Variants in SLC29A3 observed in about 807,000 individuals in gnomAD.
The protein encoded by SLC29A3 is solute carrier family 29 member 3, also known as equilibrative nucleoside transporter 3.
A neutral mutation model predicts 25.4 loss-of-function variants in SLC29A3; 18 were observed. The observed-to-expected ratio is 0.71, with a 90% CI of 0.49 to 1.05. The LOEUF is 1.05. SLC29A3 is among the 50% of genes least tolerant of loss of function. The probability of loss-of-function intolerance (pLI) is 0.00; values close to 1 mark genes in which losing one functional copy is unlikely to be tolerated. For synonymous variants in SLC29A3, 258 were observed against 267.1 expected (o/e 0.97, Z 0.33); for missense variants, 586 against 609.0 (o/e 0.96, Z 0.40).
At chr10:71,328,179 C>T (rs576880234) in intron 2 of SLC29A3, among the ~76,000 whole-genome samples, 2 of 152,158 alleles carry the variant, frequency 1.3e-5, no homozygotes, top group Non-Finnish European at 2.9e-5. Context: ...ACCTACAGCC[C>T]GACTTAGTGT....
At chr10:71,360,774 C>T (rs1378267447) in intron 5 of SLC29A3, among the ~76,000 whole-genome samples, 2 of 152,276 alleles carry the variant, frequency 1.3e-5, no homozygotes, top group African/African-American at 4.8e-5. Context: ...AATGAAAAGT[C>T]GAGGCAACCT....
intron 3 of SLC29A3, among the ~76,000 whole-genome samples, chr10:71,371,354 C>T (rs1469513409): frequency 6.6e-6 from 1 of 152,186 alleles, no homozygotes; most frequent in Non-Finnish European, 1.5e-5. Context: ...TGGCTCTAGA[C>T]TTCTGATGTC....
At chr10:71,328,330 C>A (rs4600131) in intron 2 of SLC29A3, among the ~76,000 whole-genome samples, 1 of 152,018 alleles carries the variant, frequency 6.6e-6, no homozygotes, top group African/African-American at 2.4e-5. Flanking sequence ...TCCCCTGAAG[C>A]CACCTCTCTG....
downstream of SLC29A3, among the ~76,000 whole-genome samples, chr10:71,368,024 A>C (rs1392112277): frequency 2.6e-5 from 4 of 152,130 alleles, no homozygotes; most frequent in Non-Finnish European, 5.9e-5. Flanking sequence ...GGAGTTCAAG[A>C]CCAGCCTGGA....
intron 5 of SLC29A3, among the ~76,000 whole-genome samples, chr10:71,356,848 G>A (rs10999781): frequency 0.87 from 133,140 of 152,196 alleles, 58,695 homozygotes; most frequent in African/African-American, 0.92. Flanking sequence ...ACAAACAAAA[G>A]ACAAACTCAC....
At position 71,363,022 on chromosome 10, in the gene SLC29A3, C is replaced by G. The variant is rs1212340985; in HGVS notation, c.*414C>G. 2 of 460,578 alleles carry G rather than the reference C, an allele frequency of 4.3e-6. No individual in the cohort carries two copies. Among genetic ancestry groups the G allele is most frequent in the Admixed American group, 2.3e-5 (1 of 42,702 alleles). The allele number at this position is 460,578 out of a possible 1,614,324, so 28.5% of individuals were successfully genotyped here. On this transcript the variant is annotated 3_prime_UTR_variant, in exon 6 of 6. Coordinates refer to ENST00000373189, the MANE Select transcript of SLC29A3 (RefSeq NM_018344.6). ...ATTCCAGCTGACAGCGAGATGCAAG[C>G]AAATGCTCAGCTCTCCTTACCCTGA...
chr10:71,365,584 G>A (rs531002159), downstream of SLC29A3: 1 of 152,408 alleles, frequency 6.6e-6, no homozygotes, highest in Admixed American at 6.5e-5. Flanking sequence ...TGGCTGTTGG[G>A]GATCATCCAG....
chr10:71,320,135 A>G (rs1474740440), intron 1 of SLC29A3, among the ~76,000 whole-genome samples: 1 of 152,194 alleles, frequency 6.6e-6, no homozygotes, highest in Non-Finnish European at 1.5e-5. Context: ...AGCTCAGTCA[A>G]GCCTTGACAA....
intron 3 of SLC29A3, among the ~76,000 whole-genome samples, chr10:71,346,866 C>G (rs2243496): frequency 0.68 from 104,142 of 152,136 alleles, 36,448 homozygotes; most frequent in Non-Finnish European, 0.76. Flanking sequence ...CAGGCTGCTG[C>G]GATGGAAGGG....
chr10:71,323,011 C>T lies in SLC29A3; in HGVS notation c.257C>T (p.Ser86Phe), dbSNP rs770658371. ...TGGATGTTCAAACTCCGCAACTCCT[C>T]CAGCCCAGCCACCGGGGAGGACCCT... ...EYWMFKLRNS[S>F]SPATGEDPEG... The change falls in exon 2 of 6, where the codon TCC (serine) becomes TTC (phenylalanine). Residue 86 changes from serine to phenylalanine, a missense_variant. Ser to Phe is a radical substitution (Grantham distance 155). Coordinates refer to ENST00000373189, the MANE Select transcript of SLC29A3 (RefSeq NM_018344.6). The T allele has an allele frequency of 1.1e-5, 18 of 1,613,800 alleles. No individual in the cohort carries two copies. In the Admixed American group the frequency reaches 3.0e-4, roughly 27 times the overall value.
intron 2 of SLC29A3, 93 bp downstream of exon 2, chr10:71,323,147 C>A: frequency 6.6e-7 from 1 of 1,506,294 alleles, no homozygotes; most frequent in Non-Finnish European, 9.2e-7. Flanking sequence ...GACACATTTC[C>A]AGCCTTTAGA....
At chr10:71,333,968 G>T (rs1846180720) in intron 2 of SLC29A3, among the ~76,000 whole-genome samples, 1 of 152,248 alleles carries the variant, frequency 6.6e-6, no homozygotes, top group South Asian at 2.1e-4. Flanking sequence ...CTTGCCCCTT[G>T]CTAGGGGACC....
chr10:71,369,139 C>T (rs934442964), intron 3 of SLC29A3, among the ~76,000 whole-genome samples: 1 of 152,204 alleles, frequency 6.6e-6, no homozygotes, highest in Non-Finnish European at 1.5e-5. Flanking sequence ...GAAGATGGCC[C>T]TCTGTCAACC....
intron 1 of SLC29A3, among the ~76,000 whole-genome samples, chr10:71,321,364 T>C (rs1314611552): frequency 6.6e-6 from 1 of 152,222 alleles, no homozygotes; most frequent in Non-Finnish European, 1.5e-5. Flanking sequence ...TGCTTTGAGT[T>C]AGGCTTAGCC....
intron 3 of SLC29A3, 114 bp from the exon 4 acceptor site, chr10:71,351,447 GA>G: frequency 1.2e-6 from 1 of 842,390 alleles, no homozygotes; most frequent in South Asian, 1.6e-5. Context: ...CTTGACTGCA[GA>G]GTGAACAGTC....
chr10:71,378,647 G>A (rs2894150), intron 4 of SLC29A3, among the ~76,000 whole-genome samples: 1 of 152,196 alleles, frequency 6.6e-6, no homozygotes, highest in African/African-American at 2.4e-5. Context: ...TGTACCTACT[G>A]AATCTAAAAT....
intron 3 of SLC29A3, among the ~76,000 whole-genome samples, chr10:71,347,695 G>A (rs1052636517): frequency 6.6e-6 from 1 of 152,200 alleles, no homozygotes; most frequent in East Asian, 1.9e-4. Flanking sequence ...ATTAGCAGGC[G>A]GGAAGGAGAC....
At chr10:71,330,100 C>T (rs1042457944) in intron 2 of SLC29A3, among the ~76,000 whole-genome samples, 3 of 152,230 alleles carry the variant, frequency 2.0e-5, no homozygotes, top group Non-Finnish European at 1.5e-5. Context: ...CACAGTTCCA[C>T]GCCAGCCAGT....
intron 2 of SLC29A3, among the ~76,000 whole-genome samples, chr10:71,327,461 C>T (rs1219450797): frequency 6.6e-6 from 1 of 152,158 alleles, no homozygotes; most frequent in Non-Finnish European, 1.5e-5. Flanking sequence ...TTGCCTGAGC[C>T]CGACTCTGGG....
Sources: gnomAD v4.1 joint callset for allele counts (sites outside exome capture counted in the v4.1 genomes callset) on GRCh38, gnomAD v4.1.1 for gene constraint, MANE v1.5 for transcripts, NCBI Gene and HGNC (gene_info 2026-07-23, HGNC 2026-07-21) for gene names.